CEP95: variants seen among roughly 807,000 people sequenced by gnomAD.
The protein encoded by CEP95 is centrosomal protein of 95 kDa.
A neutral mutation model predicts 111.2 loss-of-function variants in CEP95; 98 were observed. The observed-to-expected ratio is 0.88, with a 90% CI of 0.75 to 1.04. CEP95 has a LOEUF of 1.04. Among genes scored for constraint, CEP95 ranks in the 50% least tolerant of loss-of-function variants. The pLI is 0.00. For synonymous variants in CEP95, 323 were observed against 327.1 expected (o/e 0.99, Z 0.14); for missense variants, 1,027 against 977.2 (o/e 1.05, Z -0.68).
Position 64,508,584 on chromosome 17 carries a change from C to T in CEP95, c.20-8C>T, listed in dbSNP as rs782415724. On this transcript the variant is annotated splice_polypyrimidine_tract_variant and splice_region_variant and intron_variant, in intron 1 of 19. Coordinates refer to ENST00000556440, the MANE Select transcript of CEP95 (RefSeq NM_138363.3). ...TTAAGACTGATCTTTCCCCCTTTTT[C>T]CCAACAGAGTGGGTAACCATTGCCA... 7 of 1,374,532 alleles carry T rather than the reference C, an allele frequency of 5.1e-6. No homozygotes were observed. In the African/African-American group the frequency reaches 9.0e-5, roughly 18 times the overall value. The allele number at this position is 1,374,532 out of a possible 1,614,324, so 85.1% of individuals were successfully genotyped here.
chr17:64,525,431 C>T (rs1269282001), intron 8 of CEP95, among the ~76,000 whole-genome samples: 1 of 152,164 alleles, frequency 6.6e-6, no homozygotes, highest in Non-Finnish European at 1.5e-5. Context: ...GACATTGATA[C>T]AAAAGATAGC....
At chr17:64,528,339 CTTGA>C (rs1158137948) in intron 11 of CEP95, among the ~76,000 whole-genome samples, 7 of 152,286 alleles carry the variant, frequency 4.6e-5, no homozygotes, top group African/African-American at 1.4e-4. Flanking sequence ...CTTTCCTTCT[CTTGA>C]TTATTTCCTC....
chr17:64,537,734 G>C lies in CEP95; in HGVS notation c.2421G>C (p.Arg807=), dbSNP rs1555681949. The part of the protein sequence containing the change: ...RELEAERFRS[R]LQLASFQYSK... ...TGGAAGCTGAGCGCTTCAGATCTCG[G>C]CTTCAGCTGGCTTCCTTTCAGTACA... Residue 807 remains arginine, a synonymous_variant, in exon 20 of 20, where the codon CGG becomes CGC. Coordinates refer to ENST00000556440, the MANE Select transcript of CEP95 (RefSeq NM_138363.3). 6.2e-7 allele frequency: 1 copy of C among 1,609,576 alleles called. No homozygotes were observed. The highest frequency in any genetic ancestry group is 8.5e-7 in the Non-Finnish European group (1 of 1,177,954).
At chr17:64,508,758 C>T (rs1418978200) in intron 2 of CEP95, 38 bp downstream of exon 2, 10 of 1,204,032 alleles carry the variant, frequency 8.3e-6, no homozygotes, top group African/African-American at 1.6e-5. Flanking sequence ...TTGCCTATAT[C>T]TTAGGCCAAA....
At position 64,521,408 on chromosome 17, in the gene CEP95, A is replaced by G. The variant is rs375465544; in HGVS notation, c.596A>G (p.Gln199Arg). 1.4e-5 allele frequency: 22 copies of G among 1,608,968 alleles called. No individual in the cohort carries two copies. In the Admixed American group the frequency reaches 3.2e-4, roughly 23 times the overall value. Residue 199 changes from glutamine to arginine, a missense_variant, in exon 7 of 20, where the codon CAA (glutamine) becomes CGA (arginine). Physicochemically the swap from Gln to Arg is conservative, Grantham distance 43. Transcript: ENST00000556440. ...TTAATATTTTCTTTCCTAGGTGCTC[A>G]ATGTCCTAATGAAATGCTGTCTAAA... ...HTFSLRSNGAQCPNEMLSKKA... is the reference protein window; with the variant it reads ...HTFSLRSNGARCPNEMLSKKA...
At chr17:64,517,823 C>T (rs1598200781) in intron 5 of CEP95, among the ~76,000 whole-genome samples, 2 of 151,692 alleles carry the variant, frequency 1.3e-5, no homozygotes, top group South Asian at 2.1e-4. Context: ...CATGACCCAC[C>T]TCACCAGGCT....
chr17:64,522,679 T>C, intron 7 of CEP95, 23 bp from the exon 8 acceptor site: 1 of 1,579,894 alleles, frequency 6.3e-7, no homozygotes, highest in Non-Finnish European at 8.7e-7. Context: ...CATCGTAATA[T>C]CCACTTTAAT....
At chr17:64,522,640 T>C in intron 7 of CEP95, 62 bp from the exon 8 acceptor site, 1 of 1,069,622 alleles carries the variant, frequency 9.3e-7, no homozygotes. Flanking sequence ...TGTATGTATG[T>C]ATATAAAATG....
In CEP95 at chr17:64,510,220, C is replaced by T; in HGVS notation, c.196C>T (p.Gln66Ter). The change falls in exon 3 of 20, where the codon CAA becomes TAA. Residue 66 changes from glutamine (Q) to a stop codon, truncating the protein, a stop_gained. Coordinates refer to ENST00000556440, the MANE Select transcript of CEP95 (RefSeq NM_138363.3). LOFTEE classifies it high-confidence loss of function. Reference protein sequence around the residue: ...RSQEDDAHNVQAVIDSLALDY... With the variant: ...RSQEDDAHNV ...TCAAGAAGATGATGCACACAATGTA[C>T]AAGCAGTAATTGATTCACTGGCCTT... 2 of 1,612,064 alleles carry T rather than the reference C, an allele frequency of 1.2e-6. No individual in the cohort carries two copies. The highest frequency in any genetic ancestry group is 8.5e-7 in the Non-Finnish European group (1 of 1,178,906).
intron 11 of CEP95, among the ~76,000 whole-genome samples, chr17:64,528,997 T>A (rs1968067958): frequency 6.6e-6 from 1 of 152,204 alleles, no homozygotes; most frequent in Admixed American, 6.5e-5. Flanking sequence ...TCTCTTTGCA[T>A]CTCCCCCTAT....
intron 8 of CEP95, among the ~76,000 whole-genome samples, chr17:64,523,467 A>G (rs1568140756): frequency 3.3e-5 from 5 of 152,174 alleles, no homozygotes; most frequent in South Asian, 2.1e-4. Flanking sequence ...ATTATCCACC[A>G]TGAACCACTG....
At chr17:64,533,732 G>A (rs532971900) in intron 16 of CEP95, among the ~76,000 whole-genome samples, 38 of 152,280 alleles carry the variant, frequency 2.5e-4, no homozygotes, top group African/African-American at 8.7e-4. Context: ...AAACCCTGAA[G>A]CTTTGAGATA....
At position 64,516,871 on chromosome 17, in the gene CEP95, T is replaced by C. The variant is rs782312144; in HGVS notation, c.473+43T>C. On this transcript the variant is annotated intron_variant, in intron 5 of 19. Coordinates refer to ENST00000556440, the MANE Select transcript of CEP95 (RefSeq NM_138363.3). ...TGAATTTGATGAAAACAAGTTACGC[T>C]TTTTGGACTAAGAATTAAAATCACA... The C allele has an allele frequency of 4.3e-6, 5 of 1,167,336 alleles. No individual in the cohort carries two copies. The East Asian group carries it at 1.2e-4, about 27-fold the overall frequency. 72.3% of individuals were successfully genotyped at this position (1,167,336 alleles called of 1,614,324 possible).
chr17:64,525,194 A>T (rs539467216), intron 8 of CEP95, among the ~76,000 whole-genome samples: 46 of 152,066 alleles, frequency 3.0e-4, no homozygotes, highest in African/African-American at 1.0e-3. Context: ...ACACAAAAAA[A>T]TTAGCCAGGT....
intron 9 of CEP95, 49 bp from the exon 10 acceptor site, chr17:64,526,018 CTAAA>C (rs1176016366): frequency 6.4e-7 from 1 of 1,574,732 alleles, no homozygotes; most frequent in African/African-American, 1.4e-5. Context: ...TTATTTTAAA[CTAAA>C]TAATAGACAC....
chr17:64,533,045 TGAG>T (rs1968388472), intron 15 of CEP95, 37 bp downstream of exon 15: 3 of 1,604,974 alleles, frequency 1.9e-6, no homozygotes, highest in East Asian at 2.2e-5. Context: ...GGAATTTAAA[TGAG>T]AAGAGCTTAT....
intron 1 of CEP95, chr17:64,507,582 C>T (rs1282883859): frequency 9.8e-7 from 1 of 1,024,356 alleles, no homozygotes; most frequent in Admixed American, 5.3e-5. Context: ...TTTTTCTCTT[C>T]AGTGCCCTCT....
intron 3 of CEP95, among the ~76,000 whole-genome samples, chr17:64,512,223 T>C (rs2038933989): frequency 6.6e-6 from 1 of 152,190 alleles, no homozygotes; most frequent in African/African-American, 2.4e-5. Flanking sequence ...TGCAGAAGTA[T>C]TTGCAGTTGT....
chr17:64,507,765 C>CAT (rs1263201999), intron 1 of CEP95: 2 of 985,398 alleles, frequency 2.0e-6, no homozygotes, highest in Admixed American at 1.2e-4. Context: ...CACTCTCATT[C>CAT]GTTTCCAGAA....
Sources: gnomAD v4.1 joint callset for allele counts (sites outside exome capture counted in the v4.1 genomes callset) on GRCh38, gnomAD v4.1.1 for gene constraint, MANE v1.5 for transcripts, NCBI Gene and HGNC (gene_info 2026-07-23, HGNC 2026-07-21) for gene names.